NALCN: variants seen among roughly 807,000 people sequenced by gnomAD.
NALCN encodes sodium leak channel NALCN.
Under a neutral mutation model 225.3 loss-of-function variants are expected in NALCN, and 111 were observed. That is an observed-to-expected ratio of 0.49 (90% CI 0.42 to 0.58). NALCN has a LOEUF of 0.58. Among genes scored for constraint, NALCN ranks in the 20% least tolerant of loss-of-function variants. The pLI, the probability that NALCN is intolerant of heterozygous loss-of-function variation, is 0.00. For missense variants in NALCN, 1,378 were observed against 2,202.4 expected, an observed-to-expected ratio of 0.63 and a Z score of 7.49; for synonymous variants, 764 against 769.0, an observed-to-expected ratio of 0.99 and a Z score of 0.11.
At chr13:101,240,574 G>T (rs867552282) in intron 11 of NALCN, among the ~76,000 whole-genome samples, 1 of 152,002 alleles carries the variant, frequency 6.6e-6, no homozygotes, top group Middle Eastern at 3.6e-3. Flanking sequence ...ATTTATTTTG[G>T]AGTTAATCAT....
In NALCN at chr13:101,377,055, A is replaced by T; in HGVS notation, c.377T>A (p.Val126Glu). The T allele has an allele frequency of 6.2e-7, 1 of 1,614,080 alleles. No individual in the cohort carries two copies. Among genetic ancestry groups the T allele is most frequent in the Non-Finnish European group, 8.5e-7 (1 of 1,179,980 alleles). ...ATCAACTATATCAGCAATTTCAAAC[A>T]CCTACAAATTAAAAGATGGGTAAAT... ...FCLWVSLVLQVFEIADIVDQM... is the reference protein window; with the variant it reads ...FCLWVSLVLQEFEIADIVDQM... The change falls in exon 5 of 44, where the codon GTG becomes GAG. Residue 126 changes from valine to glutamate, a missense_variant and splice_region_variant. Val to Glu is a moderately radical substitution (Grantham distance 121). Around this residue, in one of 19 missense-constraint regions of NALCN, gnomAD observed 146 missense variants for 205.9 expected, o/e 0.71. Transcript: ENST00000251127.
At chr13:101,176,497 C>G in intron 14 of NALCN, 123 bp from the exon 15 acceptor site, 1 of 532,360 alleles carries the variant, frequency 1.9e-6, no homozygotes, top group Non-Finnish European at 2.9e-6. Flanking sequence ...AATAAACATG[C>G]AGTGATGAAT....
At chr13:101,087,153 A>T (rs944888850) in intron 30 of NALCN, among the ~76,000 whole-genome samples, 16 of 152,288 alleles carry the variant, frequency 1.1e-4, no homozygotes, top group African/African-American at 3.8e-4. Flanking sequence ...TATATTACTA[A>T]TATAGACTTG....
chr13:101,077,261 T>G (rs538053226), intron 34 of NALCN, among the ~76,000 whole-genome samples: 2 of 152,322 alleles, frequency 1.3e-5, no homozygotes, highest in East Asian at 3.9e-4. Context: ...GAAAAAGGAC[T>G]AACACAGTAA....
intron 7 of NALCN, among the ~76,000 whole-genome samples, chr13:101,315,830 A>G (rs534970): frequency 0.41 from 61,970 of 151,830 alleles, 13,009 homozygotes; most frequent in Non-Finnish European, 0.46. Context: ...AAACATCACT[A>G]CTGAGGTGAG....
At chr13:101,240,694 G>A (rs932609176) in intron 11 of NALCN, among the ~76,000 whole-genome samples, 2 of 152,134 alleles carry the variant, frequency 1.3e-5, no homozygotes, top group African/African-American at 2.4e-5. Flanking sequence ...TTTCTTCAGC[G>A]TTCATATATA....
chr13:101,367,698 T>G (rs1421589443), intron 6 of NALCN, among the ~76,000 whole-genome samples: 1 of 152,180 alleles, frequency 6.6e-6, no homozygotes, highest in Non-Finnish European at 1.5e-5. Context: ...GTGTATATGT[T>G]GAAGGTTACA....
chr13:101,381,486 T>A (rs1160473739), intron 3 of NALCN, among the ~76,000 whole-genome samples: 2 of 152,134 alleles, frequency 1.3e-5, no homozygotes, highest in Non-Finnish European at 2.9e-5. Context: ...ATAATCTAAA[T>A]ACAGATAACA....
intron 42 of NALCN, 77 bp from the exon 43 acceptor site, chr13:101,058,133 C>A: frequency 7.9e-7 from 1 of 1,263,312 alleles, no homozygotes; most frequent in Non-Finnish European, 1.1e-6. Flanking sequence ...GAAAGGAAAA[C>A]ACATGGCAGG....
intron 14 of NALCN, among the ~76,000 whole-genome samples, chr13:101,182,119 G>A (rs1369851590): frequency 8.3e-6 from 1 of 120,014 alleles, no homozygotes; most frequent in Non-Finnish European, 1.6e-5. Flanking sequence ...GGGCAACAGA[G>A]CGAGACTCCA....
At chr13:101,374,979 T>C (rs2046647638) in intron 6 of NALCN, among the ~76,000 whole-genome samples, 1 of 152,226 alleles carries the variant, frequency 6.6e-6, no homozygotes. Context: ...ATGACCATTA[T>C]AAATGTGAAA....
chr13:101,172,904 A>G (rs1780253653), intron 15 of NALCN, among the ~76,000 whole-genome samples: 2 of 150,368 alleles, frequency 1.3e-5, no homozygotes, highest in South Asian at 4.3e-4. Flanking sequence ...CCTGGTTTTT[A>G]TTACTCTTGA....
chr13:101,234,540 C>A (rs1180710133), intron 12 of NALCN, among the ~76,000 whole-genome samples: 1 of 152,190 alleles, frequency 6.6e-6, no homozygotes, highest in East Asian at 1.9e-4. Flanking sequence ...ATACAAAGAG[C>A]CGCTCTGTCT....
At chr13:101,344,351 G>C (rs2045649965) in intron 7 of NALCN, among the ~76,000 whole-genome samples, 1 of 152,034 alleles carries the variant, frequency 6.6e-6, no homozygotes, top group African/African-American at 2.4e-5. Context: ...TATAATGCTT[G>C]AAATAAAATA....
chr13:101,136,639 C>CT (rs1422311897), intron 17 of NALCN, among the ~76,000 whole-genome samples: 10 of 152,112 alleles, frequency 6.6e-5, no homozygotes, highest in Non-Finnish European at 1.5e-4. Flanking sequence ...TGAACTCATC[C>CT]TTTTTTATGA....
intron 7 of NALCN, among the ~76,000 whole-genome samples, chr13:101,311,979 C>T (rs2044363450): frequency 6.6e-6 from 1 of 151,530 alleles, no homozygotes; most frequent in Admixed American, 6.6e-5. Context: ...GGCTGTGAAT[C>T]CATCTGGTCC....
chr13:101,237,252 T>C (rs1009227916), intron 12 of NALCN, among the ~76,000 whole-genome samples: 1 of 152,080 alleles, frequency 6.6e-6, no homozygotes, highest in Non-Finnish European at 1.5e-5. Context: ...CAGGCATTTA[T>C]AAATAATACT....
In NALCN at chr13:101,399,101, C is replaced by G; in HGVS notation, c.26G>C (p.Arg9Thr). MLKRKQSS[R>T]VEAQPVTDFG... Reference sequence around the variant, plus strand: ...GTCAGTGACTGGCTGGGCTTCCACCCTGGAACTCTGCTTCCTTTTGAGCAT... The same window carrying G: ...GTCAGTGACTGGCTGGGCTTCCACCGTGGAACTCTGCTTCCTTTTGAGCAT... Residue 9 changes from arginine (R) to threonine (T), a missense_variant, in exon 2 of 44, where the codon AGG (arginine) becomes ACG (threonine). Around this residue, in one of 19 missense-constraint regions of NALCN, gnomAD observed 146 missense variants for 205.9 expected, o/e 0.71. Coordinates refer to ENST00000251127, the MANE Select transcript of NALCN (RefSeq NM_052867.4). 6.2e-7 allele frequency: 1 copy of G among 1,613,468 alleles called. No homozygotes were observed. Among genetic ancestry groups the G allele is most frequent in the Non-Finnish European group, 8.5e-7 (1 of 1,179,548 alleles).
chr13:101,371,498 A>AT (rs2046539091), intron 6 of NALCN, among the ~76,000 whole-genome samples: 3 of 151,976 alleles, frequency 2.0e-5, no homozygotes, highest in Non-Finnish European at 4.4e-5. Context: ...CAACTCTTTT[A>AT]TTTTTATTTT....
Sources: allele counts gnomAD v4.1 joint callset (sites outside exome capture counted in the v4.1 genomes callset), GRCh38; gene constraint gnomAD v4.1.1; regional missense constraint gnomAD v4.1.1; transcripts MANE v1.5; gene names NCBI Gene and HGNC (gene_info 2026-07-23, HGNC 2026-07-21).